Variants in MTRF1 observed in about 807,000 individuals in gnomAD.
MTRF1 encodes peptide chain release factor 1, mitochondrial.
In MTRF1, 51 loss-of-function variants were observed where a neutral mutation model predicts 62.9. The ratio of observed to expected loss-of-function variants is 0.81; its 90% CI spans 0.65 to 1.02. MTRF1 has a LOEUF of 1.02. Among genes scored for constraint, MTRF1 ranks in the 50% least tolerant of loss-of-function variants. MTRF1 has a pLI of 0.00. For missense variants in MTRF1, 446 were observed against 530.0 expected (o/e 0.84, Z 1.56); for synonymous variants, 158 against 181.9 (o/e 0.87, Z 1.06).
chr13:41,251,457 G>A (rs553523070), intron 5 of MTRF1, among the ~76,000 whole-genome samples: 81 of 151,972 alleles, frequency 5.3e-4, no homozygotes, highest in Non-Finnish European at 1.5e-4. Flanking sequence ...CTACTTCAGC[G>A]ATTACTTCCC....
the MTRF1 span, among the ~76,000 whole-genome samples, chr13:41,283,282 C>T: frequency 6.6e-6 from 1 of 152,306 alleles, no homozygotes; most frequent in South Asian, 2.1e-4. Flanking sequence ...TATCATGGAA[C>T]TCCTCTGGGC....
the MTRF1 span, among the ~76,000 whole-genome samples, chr13:41,309,285 C>T: frequency 3.3e-5 from 5 of 151,832 alleles, no homozygotes; most frequent in East Asian, 3.9e-4. Flanking sequence ...AATTGATCCT[C>T]GCACCTCAGC....
At chr13:41,264,751 A>G (rs1471246516), upstream of MTRF1, among the ~76,000 whole-genome samples, 1 of 152,250 alleles carries the variant, frequency 6.6e-6, no homozygotes, top group East Asian at 1.9e-4. Context: ...GAGCTAAAGT[A>G]ACTACTCCAA....
chr13:41,237,780 G>T (rs1182549171), intron 6 of MTRF1, among the ~76,000 whole-genome samples: 1 of 152,072 alleles, frequency 6.6e-6, no homozygotes. Context: ...GATTACAGGC[G>T]TGAGCCACCA....
At chr13:41,309,023 A>G in the MTRF1 span, among the ~76,000 whole-genome samples, 1 of 152,146 alleles carries the variant, frequency 6.6e-6, no homozygotes, top group African/African-American at 2.4e-5. Flanking sequence ...AATGGCCTCC[A>G]GCTCTACCTG....
intron 6 of MTRF1, among the ~76,000 whole-genome samples, chr13:41,237,971 C>T (rs555466191): frequency 3.0e-4 from 46 of 152,008 alleles, no homozygotes; most frequent in African/African-American, 9.2e-4. Flanking sequence ...TTTATATTAA[C>T]GGAGAGATGT....
the MTRF1 span, among the ~76,000 whole-genome samples, chr13:41,308,962 T>C: frequency 9.2e-5 from 14 of 152,342 alleles, no homozygotes; most frequent in African/African-American, 3.4e-4. Flanking sequence ...CACCTGTAAG[T>C]GAAAACATGT....
At chr13:41,256,201 T>A (rs568168034) in intron 2 of MTRF1, among the ~76,000 whole-genome samples, 48 of 152,206 alleles carry the variant, frequency 3.2e-4, no homozygotes, top group Admixed American at 3.1e-3. Context: ...CAATATGAGA[T>A]GGGGGAGTGC....
intron 5 of MTRF1, among the ~76,000 whole-genome samples, chr13:41,250,718 T>A (rs966310410): frequency 6.6e-6 from 1 of 152,214 alleles, no homozygotes; most frequent in Non-Finnish European, 1.5e-5. Context: ...GGTCTCGAAC[T>A]GTCTCCCGAA....
the MTRF1 span, among the ~76,000 whole-genome samples, chr13:41,275,288 C>T: frequency 2.5e-4 from 38 of 150,282 alleles, no homozygotes; most frequent in East Asian, 7.3e-3. Flanking sequence ...GCAAGCTCCG[C>T]CTCCCGGGTT....
chr13:41,242,787 C>T (rs73179121), intron 5 of MTRF1, among the ~76,000 whole-genome samples: 7,792 of 151,924 alleles, frequency 0.051, 261 homozygotes, highest in Non-Finnish European at 0.079. Context: ...ATGCTTACTG[C>T]GCATTAAAAA....
At chr13:41,283,614 G>A in the MTRF1 span, among the ~76,000 whole-genome samples, 1 of 87,764 alleles carries the variant, frequency 1.1e-5, no homozygotes, top group African/African-American at 4.6e-5. Context: ...TTTTGAGACG[G>A]AGTCTCGCTC....
At chr13:41,290,957 G>A in the MTRF1 span, among the ~76,000 whole-genome samples, 200 of 151,194 alleles carry the variant, frequency 1.3e-3, no homozygotes, top group Non-Finnish European at 2.4e-3. Flanking sequence ...TTAGCCAGGC[G>A]TGATGGTGCA....
At chr13:41,229,815 C>T (rs1165300410) in intron 7 of MTRF1, 1 of 152,082 alleles carries the variant, frequency 6.6e-6, no homozygotes, top group Non-Finnish European at 1.5e-5. Flanking sequence ...AAAGTATAAC[C>T]TCAGGACGGG....
rs1283222203 is a variant in MTRF1 at position 41,226,563 on chromosome 13, C to T, written c.994G>A (p.Val332Ile). Residue 332 changes from valine (V) to isoleucine (I), a missense_variant, in exon 8 of 10, where the codon GTA becomes ATA. Transcript: ENST00000379480. ...VRLVHIPTGL[V>I]VECQQERSQI... ...GATCTTTCTTGTTGGCATTCTACTA[C>T]TAGCCCTGAAAAATAACAGGGATCA... 2 of 1,613,520 alleles carry T rather than the reference C, an allele frequency of 1.2e-6. No homozygotes were observed. Among genetic ancestry groups the T allele is most frequent in the Non-Finnish European group, 1.7e-6 (2 of 1,179,928 alleles).
At chr13:41,249,139 A>T (rs2038685328) in intron 5 of MTRF1, among the ~76,000 whole-genome samples, 1 of 152,166 alleles carries the variant, frequency 6.6e-6, no homozygotes, top group Non-Finnish European at 1.5e-5. Context: ...TTAAAAAAAA[A>T]TTTGTGTGCA....
chr13:41,256,169 G>A (rs548270306), intron 2 of MTRF1, among the ~76,000 whole-genome samples: 4 of 152,230 alleles, frequency 2.6e-5, no homozygotes, highest in Admixed American at 1.3e-4. Context: ...CCAGTCTGGT[G>A]GCAAACACAT....
At chr13:41,229,481 A>G (rs887115750) in intron 7 of MTRF1, 8 of 151,922 alleles carry the variant, frequency 5.3e-5, no homozygotes, top group African/African-American at 1.9e-4. Context: ...ACCTCTCTCT[A>G]TCCTCCTCTC....
At chr13:41,308,079 G>A in the MTRF1 span, among the ~76,000 whole-genome samples, 4 of 152,216 alleles carry the variant, frequency 2.6e-5, no homozygotes, top group Non-Finnish European at 2.9e-5. Context: ...CAGAGTGCAC[G>A]TGAAGAACCT....
Sources: allele counts gnomAD v4.1 joint callset (sites outside exome capture counted in the v4.1 genomes callset), GRCh38; gene constraint gnomAD v4.1.1; transcripts MANE v1.5; gene names NCBI Gene and HGNC (gene_info 2026-07-23, HGNC 2026-07-21).